The following DUSP5 variants were observed in gnomAD, a reference collection of about 807,000 sequenced individuals.
DUSP5 encodes the protein dual specificity protein phosphatase 5.
In DUSP5, 22 loss-of-function variants were observed where a neutral mutation model predicts 33.6. The ratio of observed to expected loss-of-function variants is 0.66; its 90% confidence interval spans 0.47 to 0.94. The LOEUF (loss-of-function observed/expected upper bound fraction) is 0.94, where lower values mean the gene tolerates loss of function less well. Ranked by LOEUF, DUSP5 falls within the 40% of genes least tolerant of loss-of-function variation. The pLI is 0.00. For synonymous variants in DUSP5, 270 were observed against 231.1 expected (o/e 1.17, Z -1.53); for missense variants, 551 against 522.1 (o/e 1.06, Z -0.54).
rs752921905 is a variant in DUSP5, at chr10:110,498,341, C to G, written c.220C>G (p.Arg74Gly). 2.2e-6 allele frequency: 3 copies of G among 1,340,400 alleles called. No individual in the cohort carries two copies. In the East Asian group the frequency reaches 9.1e-5, roughly 41 times the overall value. 83.0% of individuals were successfully genotyped at this position (1,340,400 alleles called of 1,614,324 possible). A position where few individuals can be genotyped will look rare whatever the true frequency, so the allele number is the denominator to read the frequency against. The change falls in exon 1 of 4, where the codon CGG becomes GGG. Residue 74 changes from arginine to glycine, a missense_variant. Arg to Gly is a moderately radical substitution (Grantham distance 125, BLOSUM62 -2). Transcript: ENST00000369583. ...GCTGCCCGACGAGGCGGCGCGCGCG[C>G]GGCTCCTGCAGGAGGGCGGCGGCGG... is the stretch of plus-strand genomic sequence containing the variant. ...YVLPDEAARARLLQEGGGGVA... is the reference protein window; with the variant it reads ...YVLPDEAARAGLLQEGGGGVA...
chr10:110,501,860 G>A (rs546772912), intron 1 of DUSP5, among the ~76,000 whole-genome samples: 35 of 152,034 alleles, frequency 2.3e-4, no homozygotes, highest in Admixed American at 1.3e-3. Flanking sequence ...GCAAGTTTCC[G>A]TGACTTGCTC....
chr10:110,497,912 C>G lies in DUSP5; in HGVS notation c.-210C>G. 1 of 214,366 alleles carries G rather than the reference C, an allele frequency of 4.7e-6. No homozygotes were observed. The allele number at this position is 214,366 out of a possible 1,614,324, so 13.3% of individuals were successfully genotyped here. On this transcript the variant is annotated 5_prime_UTR_variant, in exon 1 of 4. Transcript: ENST00000369583. Reference sequence around the variant, plus strand: ...GCGCGGCCGGCGGAATCCCCGGCTTCTAGGGCGGCGAGCGGCCGGGCTGGC... The same window carrying G: ...GCGCGGCCGGCGGAATCCCCGGCTTGTAGGGCGGCGAGCGGCCGGGCTGGC...
intron 1 of DUSP5, among the ~76,000 whole-genome samples, chr10:110,502,217 C>T (rs994786480): frequency 6.6e-6 from 1 of 152,146 alleles, no homozygotes; most frequent in South Asian, 2.1e-4. Flanking sequence ...TTTTACTGCC[C>T]TGAGTCGAAA....
At chr10:110,505,207 T>G (rs1218210655) in intron 2 of DUSP5, among the ~76,000 whole-genome samples, 3 of 152,240 alleles carry the variant, frequency 2.0e-5, no homozygotes, top group African/African-American at 7.2e-5. Flanking sequence ...GCCTTGCATC[T>G]CATGCTACGC....
At chr10:110,503,427 C>G (rs562626064) in intron 2 of DUSP5, 14 of 152,320 alleles carry the variant, frequency 9.2e-5, no homozygotes, top group African/African-American at 3.4e-4. Flanking sequence ...GCTTACAATT[C>G]CACAGATAAC....
At chr10:110,508,586 C>T (rs1414923234) in intron 3 of DUSP5, among the ~76,000 whole-genome samples, 2 of 152,144 alleles carry the variant, frequency 1.3e-5, no homozygotes, top group African/African-American at 2.4e-5. Flanking sequence ...GGGAAGAGGG[C>T]CATGTGGAAG....
intron 1 of DUSP5, 55 bp from the exon 2 acceptor site, chr10:110,502,666 C>T: frequency 6.3e-7 from 1 of 1,585,376 alleles, no homozygotes; most frequent in Non-Finnish European, 8.6e-7. Flanking sequence ...GTATTTTTGA[C>T]AGCGTGAGAA....
intron 1 of DUSP5, among the ~76,000 whole-genome samples, chr10:110,502,135 C>A (rs921638745): frequency 1.4e-5 from 2 of 145,356 alleles, no homozygotes; most frequent in Non-Finnish European, 3.0e-5. Context: ...ATTGATGACT[C>A]CAAATTGGAC....
chr10:110,500,752 G>T (rs1017225923), intron 1 of DUSP5, among the ~76,000 whole-genome samples: 1 of 152,208 alleles, frequency 6.6e-6, no homozygotes, highest in Admixed American at 6.5e-5. Context: ...TTTGCCACTC[G>T]AGTGAGGCAC....
Position 110,502,783 on chromosome 10 carries a change from C to T in DUSP5, c.442C>T (p.Gln148Ter), listed in dbSNP as rs376426983. ...ECCVDVKPIS[Q>*]EKIESERALI... Reference sequence around the variant, plus strand: ...TTGCGTGGATGTAAAACCCATTTCACAAGAGAAGATTGAGAGTGAGAGAGC... The same window carrying T: ...TTGCGTGGATGTAAAACCCATTTCATAAGAGAAGATTGAGAGTGAGAGAGC... Residue 148 changes from glutamine (Q) to a stop codon, truncating the protein, a stop_gained, in exon 2 of 4, where the codon CAA becomes TAA. Coordinates refer to ENST00000369583, the MANE Select transcript of DUSP5 (RefSeq NM_004419.4). LOFTEE classifies it high-confidence loss of function. The T allele has an allele frequency of 6.2e-7, 1 of 1,614,022 alleles. No homozygotes were observed. The highest frequency in any genetic ancestry group is 8.5e-7 in the Non-Finnish European group (1 of 1,180,044).
At chr10:110,507,404 C>T (rs575774413) in intron 3 of DUSP5, among the ~76,000 whole-genome samples, 7 of 152,320 alleles carry the variant, frequency 4.6e-5, no homozygotes, top group African/African-American at 1.4e-4. Context: ...TACTCACTGT[C>T]GATCTTGTTA....
In DUSP5 at chr10:110,504,627, A is replaced by G. The variant is rs115092406; in HGVS notation, c.528+1758A>G. Among the ~76,000 whole-genome samples the G allele has an allele frequency of 2.9e-3, 435 of 152,302 alleles. 4 individuals are homozygous for G. The highest frequency in any genetic ancestry group is 1.0e-2 in the African/African-American group (415 of 41,560). On this transcript the variant is annotated intron_variant, in intron 2 of 3. Coordinates refer to ENST00000369583, the MANE Select transcript of DUSP5 (RefSeq NM_004419.4). ...GACTTGGAACTCTGACTCCTTTCCA[A>G]AGAACTTTGTACCACCTCTGCTGTT... is the stretch of plus-strand genomic sequence containing the variant.
intron 2 of DUSP5, among the ~76,000 whole-genome samples, chr10:110,506,080 A>G (rs1860115005): frequency 6.6e-6 from 1 of 152,134 alleles, no homozygotes; most frequent in African/African-American, 2.4e-5. Context: ...GGTGCATTTT[A>G]ACATCTCTAA....
rs1859983568 is a variant in DUSP5, at chr10:110,498,219, C to T, written c.98C>T (p.Ala33Val). The T allele has an allele frequency of 9.2e-6, 14 of 1,513,642 alleles. No individual in the cohort carries two copies. Among genetic ancestry groups the T allele is most frequent in the Middle Eastern group, 1.7e-4 (1 of 5,752 alleles). 93.8% of individuals were successfully genotyped at this position (1,513,642 alleles called of 1,614,324 possible). A position where few individuals can be genotyped will look rare whatever the true frequency, so the allele number is the denominator to read the frequency against. Residue 33 changes from alanine (A) to valine (V), a missense_variant, in exon 1 of 4, where the codon GCC becomes GTC. This residue lies in a region of DUSP5 where 381 missense variants were observed against 310.4 expected (regional missense o/e 1.23). Coordinates refer to ENST00000369583, the MANE Select transcript of DUSP5 (RefSeq NM_004419.4). ...CVVLDCRPYL[A>V]FAASNVRGSL... ...GTGCTCGACTGCCGGCCCTATCTGG[C>T]CTTCGCTGCCTCGAACGTGCGCGGC... is the stretch of plus-strand genomic sequence containing the variant.
intron 3 of DUSP5, among the ~76,000 whole-genome samples, chr10:110,507,510 G>A (rs754715496): frequency 5.3e-5 from 8 of 152,190 alleles, no homozygotes; most frequent in Non-Finnish European, 1.2e-4. Context: ...CTTCTACGTA[G>A]GTTGGGTTTA....
chr10:110,508,448 C>T (rs1211411298), intron 3 of DUSP5, among the ~76,000 whole-genome samples: 1 of 152,176 alleles, frequency 6.6e-6, no homozygotes, highest in Admixed American at 6.5e-5. Context: ...TGTGTACGCA[C>T]AATCCACAAA....
chr10:110,504,226 A>G (rs1860091917), intron 2 of DUSP5, among the ~76,000 whole-genome samples: 1 of 152,226 alleles, frequency 6.6e-6, no homozygotes, highest in Middle Eastern at 3.2e-3. Context: ...TCTTTGGCCA[A>G]GTGAGGGGTG....
chr10:110,508,597 G>T (rs1395434388), intron 3 of DUSP5, among the ~76,000 whole-genome samples: 1 of 152,174 alleles, frequency 6.6e-6, no homozygotes, highest in Non-Finnish European at 1.5e-5. Context: ...CATGTGGAAG[G>T]CAGGCTCCGA....
Position 110,498,501 on chromosome 10 carries a change from G to T in DUSP5, c.379+1G>T. On this transcript the variant is annotated splice_donor_variant, in intron 1 of 3. Transcript: ENST00000369583. LOFTEE classifies it high-confidence loss of function. ...GGCCCGCGGGTCTACTTCCTCAAAG[G>T]TGAGCGCTCGGGGTCCCTGCCACGC... is the stretch of plus-strand genomic sequence containing the variant. The T allele has an allele frequency of 6.6e-7, 1 of 1,517,600 alleles. No homozygotes were observed. The highest frequency in any genetic ancestry group is 8.8e-7 in the Non-Finnish European group (1 of 1,140,770). 94.0% of individuals were successfully genotyped at this position (1,517,600 alleles called of 1,614,324 possible).
Sources: allele counts gnomAD v4.1 joint callset (sites outside exome capture counted in the v4.1 genomes callset), GRCh38; gene constraint gnomAD v4.1.1; regional missense constraint gnomAD v4.1.1; transcripts MANE v1.5; gene names NCBI Gene and HGNC (gene_info 2026-07-23, HGNC 2026-07-21).